The following PCNX2 variants were observed in gnomAD, a reference collection of about 807,000 sequenced individuals.
PCNX2 encodes the protein pecanex 2.
A neutral mutation model predicts 223.8 loss-of-function variants in PCNX2; 168 were observed. The observed-to-expected ratio is 0.75, with a 90% CI of 0.66 to 0.85. The LOEUF (loss-of-function observed/expected upper bound fraction) is 0.85, where lower values mean the gene tolerates loss of function less well. PCNX2 is among the 40% of genes least tolerant of loss of function. The pLI is 0.00. For synonymous variants in PCNX2, 1,006 were observed against 1,052.6 expected, an observed-to-expected ratio of 0.96 and a Z score of 0.86; for missense variants, 2,507 against 2,675.5, an observed-to-expected ratio of 0.94 and a Z score of 1.39.
At position 233,125,006 on chromosome 1, in the gene PCNX2, T is replaced by C. The variant is rs556561444; in HGVS notation, c.3837+10007A>G. 2.0e-5 allele frequency among the ~76,000 whole-genome samples: 3 copies of C among 152,272 alleles called. No homozygotes were observed. In the East Asian group the frequency reaches 5.8e-4, roughly 29 times the overall value. The stretch of plus-strand genomic sequence containing the variant: ...ATATACTTGGTCATTTACAAATAGG[T>C]ATTGAGAGCTCACCCTACTAAGGGC... On this transcript the variant is annotated intron_variant, in intron 21 of 33. Coordinates refer to ENST00000258229, the MANE Select transcript of PCNX2 (RefSeq NM_014801.4).
At chr1:233,104,626 G>T (rs1026465990) in intron 21 of PCNX2, among the ~76,000 whole-genome samples, 1 of 151,990 alleles carries the variant, frequency 6.6e-6, no homozygotes, top group Non-Finnish European at 1.5e-5. Flanking sequence ...CAATAAATAA[G>T]CATATGAAAT....
At chr1:233,082,142 C>A (rs1673391512) in intron 23 of PCNX2, among the ~76,000 whole-genome samples, 1 of 152,132 alleles carries the variant, frequency 6.6e-6, no homozygotes, top group South Asian at 2.1e-4. Flanking sequence ...AGTTCTTTAA[C>A]TTCCTTGAGT....
Position 233,261,309 on chromosome 1 carries a change from G to A in PCNX2, c.493C>T (p.Gln165Ter), listed in dbSNP as rs368102043. The change falls in exon 4 of 34, where the codon CAG (glutamine) becomes TAG (stop). Residue 165 changes from glutamine to a stop codon, truncating the protein, a stop_gained. Coordinates refer to ENST00000258229, the MANE Select transcript of PCNX2 (RefSeq NM_014801.4). LOFTEE classifies it high-confidence loss of function. ...HSSGPLELSA[Q>*]ETVEDLKGVI... ...CCTTTGAGATCTTCTACAGTTTCCT[G>A]TGCTGACAACTCCTACACAAATGAA... 1.9e-6 allele frequency: 3 copies of A among 1,612,816 alleles called. No individual in the cohort carries two copies. Among genetic ancestry groups the A allele is most frequent in the Non-Finnish European group, 2.5e-6 (3 of 1,179,058 alleles).
At chr1:233,168,296 T>C (rs12036063) in intron 17 of PCNX2, among the ~76,000 whole-genome samples, 13,895 of 152,114 alleles carry the variant, frequency 0.091, 840 homozygotes, top group East Asian at 0.31. Context: ...ACAGTATTAG[T>C]ATTTTTGTGT....
rs907860475 is a variant in PCNX2 at position 232,990,873 on chromosome 1, C to G, written c.5792-4333G>C. ...TCTCCCAGGGCGGACCTTGGGCCTACTTGCAGGCACGTGCACCCCCAGACG... is the reference window on the plus strand; with the variant it reads ...TCTCCCAGGGCGGACCTTGGGCCTAGTTGCAGGCACGTGCACCCCCAGACG... On this transcript the variant is annotated intron_variant, in intron 32 of 33. Coordinates refer to ENST00000258229, the MANE Select transcript of PCNX2 (RefSeq NM_014801.4). The surrounding 1 kb of genome is among the most constrained non-coding windows in gnomAD (Gnocchi z 4.3). Among the ~76,000 whole-genome samples, 1 of 152,206 alleles carries G rather than the reference C, an allele frequency of 6.6e-6. No homozygotes were observed. Among genetic ancestry groups the G allele is most frequent in the East Asian group, 1.9e-4 (1 of 5,184 alleles).
intron 5 of PCNX2, 91 bp from the exon 6 acceptor site, chr1:233,252,879 A>G (rs1216921632): frequency 6.0e-6 from 8 of 1,332,340 alleles, no homozygotes; most frequent in Middle Eastern, 2.7e-4. Context: ...AAACAAGAAT[A>G]GAAAGAAAAT....
intron 1 of PCNX2, among the ~76,000 whole-genome samples, chr1:233,294,966 G>A (rs550696206): frequency 7.2e-5 from 11 of 152,174 alleles, no homozygotes; most frequent in African/African-American, 2.7e-4. Flanking sequence ...ACAATCTACA[G>A]CATTTCACAC....
chr1:233,261,849 C>T (rs924030010), intron 3 of PCNX2, among the ~76,000 whole-genome samples, 196 bp downstream of exon 3: 15 of 152,168 alleles, frequency 9.9e-5, no homozygotes, highest in South Asian at 2.1e-4. Flanking sequence ...TTTGAACACA[C>T]GACTGGGCAT....
intron 1 of PCNX2, chr1:233,291,020 G>A (rs1209290586): frequency 2.0e-6 from 2 of 985,268 alleles, no homozygotes; most frequent in African/African-American, 3.5e-5. Context: ...CAATGCCACT[G>A]GCATAATCAT....
intron 25 of PCNX2, among the ~76,000 whole-genome samples, chr1:233,052,668 C>T (rs1292734180): frequency 6.6e-6 from 1 of 152,176 alleles, no homozygotes; most frequent in Non-Finnish European, 1.5e-5. Context: ...CTCCCAGCAT[C>T]TTAAGGTGGG....
intron 8 of PCNX2, among the ~76,000 whole-genome samples, chr1:233,249,138 A>G (rs577258560): frequency 7.2e-5 from 11 of 152,318 alleles, no homozygotes; most frequent in Non-Finnish European, 1.5e-4. Flanking sequence ...CTTGGATACT[A>G]TAAATTTTCA....
At chr1:233,289,097 G>A in intron 1 of PCNX2, 2 of 972,856 alleles carry the variant, frequency 2.1e-6, no homozygotes, top group Non-Finnish European at 3.4e-6. Flanking sequence ...TATGGCTCCT[G>A]GGATGCTTTT....
intron 1 of PCNX2, among the ~76,000 whole-genome samples, chr1:233,287,684 A>G (rs1289998482): frequency 6.6e-6 from 1 of 152,200 alleles, no homozygotes; most frequent in Non-Finnish European, 1.5e-5. Context: ...CAGTATGAAA[A>G]TGGACTAATA....
intron 15 of PCNX2, among the ~76,000 whole-genome samples, chr1:233,179,833 G>A (rs1679692012): frequency 6.6e-6 from 1 of 152,228 alleles, no homozygotes; most frequent in Non-Finnish European, 1.5e-5. Context: ...ATTTGGAAAT[G>A]TTATTGCTTC....
At chr1:233,172,203 G>C (rs1240040788) in intron 17 of PCNX2, among the ~76,000 whole-genome samples, 3 of 152,088 alleles carry the variant, frequency 2.0e-5, no homozygotes, top group Non-Finnish European at 4.4e-5. Flanking sequence ...GTTTCTGCTG[G>C]TTCCTTATTT....
chr1:233,154,119 C>G (rs1677975609), intron 19 of PCNX2, among the ~76,000 whole-genome samples: 1 of 152,096 alleles, frequency 6.6e-6, no homozygotes, highest in Non-Finnish European at 1.5e-5. Flanking sequence ...TGCTCTGTCA[C>G]CCAGGCTGGA....
At chr1:233,165,425 C>A (rs548226649) in intron 17 of PCNX2, among the ~76,000 whole-genome samples, 1 of 152,098 alleles carries the variant, frequency 6.6e-6, no homozygotes, top group South Asian at 2.1e-4. Context: ...AAACATCCTA[C>A]AATGCACAAG....
intron 15 of PCNX2, among the ~76,000 whole-genome samples, chr1:233,188,941 C>T (rs545370137): frequency 6.6e-5 from 10 of 152,320 alleles, no homozygotes; most frequent in African/African-American, 2.4e-4. Flanking sequence ...GAGTGACATC[C>T]CATCCCCTTC....
At chr1:232,998,751 G>C (rs1196310937) in intron 31 of PCNX2, among the ~76,000 whole-genome samples, 1 of 152,164 alleles carries the variant, frequency 6.6e-6, no homozygotes, top group African/African-American at 2.4e-5. Context: ...ACTACATCCA[G>C]GTAAGAAGAC....
Sources: gnomAD v4.1 joint callset for allele counts (sites outside exome capture counted in the v4.1 genomes callset) on GRCh38, gnomAD v4.1.1 for gene constraint, Gnocchi (gnomAD v3.1) non-coding constraint, MANE v1.5 for transcripts, NCBI Gene and HGNC (gene_info 2026-07-23, HGNC 2026-07-21) for gene names.